The following COL24A1 variants were observed in gnomAD, a reference collection of about 807,000 sequenced individuals.
COL24A1 encodes the protein collagen type XXIV alpha 1 chain, also known as collagen alpha-1(XXIV) chain.
A neutral mutation model predicts 253.9 loss-of-function variants in COL24A1; 224 were observed. The ratio of observed to expected loss-of-function variants is 0.88; its 90% confidence interval spans 0.79 to 0.99. The LOEUF is 0.99. COL24A1 is among the 50% of genes least tolerant of loss of function. The pLI is 0.00. For synonymous variants in COL24A1, 685 were observed against 673.7 expected, an observed-to-expected ratio of 1.02 and a Z score of -0.26; for missense variants, 2,131 against 2,068.5, an observed-to-expected ratio of 1.03 and a Z score of -0.59.
At chr1:86,065,812 A>G (rs536314007) in intron 7 of COL24A1, among the ~76,000 whole-genome samples, 1 of 151,598 alleles carries the variant, frequency 6.6e-6, no homozygotes, top group African/African-American at 2.4e-5. Context: ...TCTCTTTTTT[A>G]AAAAAATGAA....
At chr1:86,056,356 C>T (rs944625820) in intron 10 of COL24A1, among the ~76,000 whole-genome samples, 3 of 152,052 alleles carry the variant, frequency 2.0e-5, no homozygotes, top group African/African-American at 4.8e-5. Flanking sequence ...TATAACTTTG[C>T]CAGATCAAGT....
At chr1:85,845,186 T>A (rs1479562208) in intron 39 of COL24A1, among the ~76,000 whole-genome samples, 1 of 151,916 alleles carries the variant, frequency 6.6e-6, no homozygotes, top group Non-Finnish European at 1.5e-5. Flanking sequence ...GTAAGATTTA[T>A]CCTAGGAACT....
intron 19 of COL24A1, among the ~76,000 whole-genome samples, chr1:86,010,561 C>T (rs1255734997): frequency 6.6e-6 from 1 of 152,114 alleles, no homozygotes; most frequent in South Asian, 2.1e-4. Flanking sequence ...CTAACAATAT[C>T]TTCTTTCGAC....
At chr1:86,135,469 A>G (rs1443871144) in intron 2 of COL24A1, among the ~76,000 whole-genome samples, 1 of 150,780 alleles carries the variant, frequency 6.6e-6, no homozygotes, top group Non-Finnish European at 1.5e-5. Flanking sequence ...ATATTGAATC[A>G]TTGTTGTCTT....
In COL24A1 at chr1:86,141,579, T is replaced by G. The variant is rs1651083669; in HGVS notation, c.121+4540A>C. Among the ~76,000 whole-genome samples, 3 of 152,224 alleles carry G rather than the reference T, an allele frequency of 2.0e-5. No individual in the cohort carries two copies. The South Asian group carries it at 6.2e-4, about 31-fold the overall frequency. ...ATTGGAGGATCCTTCTCTACATGCC[T>G]TAGACATGTGTAGCCTAACAAAATA... On this transcript the variant is annotated intron_variant, in intron 2 of 59. Coordinates refer to ENST00000370571, the MANE Select transcript of COL24A1 (RefSeq NM_152890.7).
chr1:85,863,293 T>C (rs1200740475), intron 37 of COL24A1, among the ~76,000 whole-genome samples: 3 of 152,202 alleles, frequency 2.0e-5, no homozygotes, highest in South Asian at 2.1e-4. Context: ...CTTTTCCTAA[T>C]TGAATACCCT....
intron 24 of COL24A1, among the ~76,000 whole-genome samples, chr1:85,927,376 G>T (rs1401075502): frequency 6.6e-6 from 1 of 150,792 alleles, no homozygotes; most frequent in Non-Finnish European, 1.5e-5. Flanking sequence ...TTTCAGACCG[G>T]CTTAAGAAAC....
chr1:86,017,107 C>T (rs768468863), intron 19 of COL24A1, 44 bp downstream of exon 19: 26 of 1,519,662 alleles, frequency 1.7e-5, no homozygotes, highest in East Asian at 2.4e-5. Context: ...GTTTAATTTC[C>T]ACCATTTTGT....
chr1:85,952,011 C>T (rs1398131328), intron 24 of COL24A1, among the ~76,000 whole-genome samples: 1 of 152,132 alleles, frequency 6.6e-6, no homozygotes, highest in African/African-American at 2.4e-5. Context: ...AAATGCAATG[C>T]TGCTCCCCTC....
At chr1:86,060,355 T>C (rs1330863545) in intron 8 of COL24A1, among the ~76,000 whole-genome samples, 1 of 152,124 alleles carries the variant, frequency 6.6e-6, no homozygotes, top group Non-Finnish European at 1.5e-5. Context: ...GATTTCTTAT[T>C]TATCACCTAA....
At chr1:85,895,507 G>A (rs1212861841) in intron 31 of COL24A1, among the ~76,000 whole-genome samples, 1 of 152,082 alleles carries the variant, frequency 6.6e-6, no homozygotes, top group Non-Finnish European at 1.5e-5. Flanking sequence ...CATAACTAGA[G>A]TGAAGTAAAA....
chr1:85,835,903 C>A (rs780755202), intron 43 of COL24A1, among the ~76,000 whole-genome samples: 1 of 152,170 alleles, frequency 6.6e-6, no homozygotes, highest in African/African-American at 2.4e-5. Context: ...CTGAAGCAAT[C>A]TGAGGAATGG....
intron 1 of COL24A1, among the ~76,000 whole-genome samples, chr1:86,148,995 A>G (rs1275810981): frequency 6.6e-6 from 1 of 152,088 alleles, no homozygotes; most frequent in African/African-American, 2.4e-5. Context: ...ATTTCTCCAC[A>G]TCCTCTCCAG....
At chr1:86,043,349 A>C (rs1699648441) in intron 12 of COL24A1, among the ~76,000 whole-genome samples, 1 of 152,004 alleles carries the variant, frequency 6.6e-6, no homozygotes. Flanking sequence ...CACCCACAAA[A>C]ATTAAAAAAT....
At chr1:86,144,184 G>A (rs543115494) in intron 2 of COL24A1, among the ~76,000 whole-genome samples, 6 of 152,072 alleles carry the variant, frequency 3.9e-5, no homozygotes, top group Admixed American at 3.9e-4. Flanking sequence ...TGAAAATTAT[G>A]ATGCTTGCCC....
chr1:86,097,498 T>C (rs1160851381), intron 5 of COL24A1, among the ~76,000 whole-genome samples: 2 of 23,978 alleles, frequency 8.3e-5, no homozygotes, highest in African/African-American at 1.5e-4. Flanking sequence ...TCCCTCCTCC[T>C]CCCTTCTCCT....
intron 14 of COL24A1, among the ~76,000 whole-genome samples, chr1:86,031,145 T>C (rs1447418120): frequency 6.6e-6 from 1 of 152,214 alleles, no homozygotes; most frequent in Non-Finnish European, 1.5e-5. Context: ...TTCTGTCATT[T>C]GCAACAACAG....
intron 59 of COL24A1, among the ~76,000 whole-genome samples, chr1:85,734,075 G>T (rs979527256): frequency 6.6e-6 from 1 of 150,468 alleles, no homozygotes; most frequent in Non-Finnish European, 1.5e-5. Flanking sequence ...GCTAATTTTT[G>T]GATTTTTAAT....
chr1:86,001,969 T>C (rs1695460263), intron 19 of COL24A1, among the ~76,000 whole-genome samples: 1 of 152,230 alleles, frequency 6.6e-6, no homozygotes, highest in African/African-American at 2.4e-5. Flanking sequence ...TAATTGAATA[T>C]TGACTTCTTG....
Sources: gnomAD v4.1 joint callset for allele counts (sites outside exome capture counted in the v4.1 genomes callset) on GRCh38, gnomAD v4.1.1 for gene constraint, MANE v1.5 for transcripts, NCBI Gene and HGNC (gene_info 2026-07-23, HGNC 2026-07-21) for gene names.